Variants in ZNF407 observed in about 807,000 individuals in gnomAD.
ZNF407 encodes the protein zinc finger protein 407.
Under a neutral mutation model 131.2 loss-of-function variants are expected in ZNF407, and 17 were observed. The observed-to-expected ratio is 0.13, with a 90% confidence interval of 0.09 to 0.19. The LOEUF (loss-of-function observed/expected upper bound fraction) is 0.19, where lower values mean the gene tolerates loss of function less well. ZNF407 is among the 10% of genes least tolerant of loss of function. The pLI is 1.00. For synonymous variants in ZNF407, 1,156 were observed against 1,062.0 expected (o/e 1.09, Z -1.72); for missense variants, 2,681 against 2,830.6 (o/e 0.95, Z 1.20).
At chr18:75,058,808 G>T (rs897115927) in intron 8 of ZNF407, among the ~76,000 whole-genome samples, 10 of 152,206 alleles carry the variant, frequency 6.6e-5, no homozygotes, top group African/African-American at 2.4e-4. Flanking sequence ...AGGGTTTAAA[G>T]TTATAGAAGA....
At chr18:74,917,311 A>T (rs917144821) in intron 7 of ZNF407, among the ~76,000 whole-genome samples, 5 of 152,174 alleles carry the variant, frequency 3.3e-5, no homozygotes, top group Admixed American at 6.5e-5. Context: ...TAAAACATAA[A>T]ATTACAAATA....
At chr18:74,905,933 A>G (rs1971589552) in intron 7 of ZNF407, 1 of 152,228 alleles carries the variant, frequency 6.6e-6, no homozygotes, top group African/African-American at 2.4e-5. Flanking sequence ...TTTTATCTGA[A>G]TAAAAAAAGA....
At chr18:74,952,554 T>A (rs1347487605) in intron 8 of ZNF407, among the ~76,000 whole-genome samples, 1 of 152,048 alleles carries the variant, frequency 6.6e-6, no homozygotes, top group Non-Finnish European at 1.5e-5. Flanking sequence ...TAATGCCATG[T>A]TGGGAAAAGA....
Position 74,632,606 on chromosome 18 carries a change from T to C in ZNF407, c.1587T>C (p.Ala529=). The change falls in exon 2 of 9, where the codon GCT becomes GCC. Residue 529 remains alanine, a synonymous_variant. Transcript: ENST00000299687. ...CTTCTGGCTCTCAGACGTTGTGTGC[T>C]TGTACAGACTGTGGGCAAGTAGCTA... ...KPASGSQTLC[A]CTDCGQVATN... is the part of the protein sequence containing the mutation. 5 of 1,614,044 alleles carry C rather than the reference T, an allele frequency of 3.1e-6. No homozygotes were observed. Among genetic ancestry groups the C allele is most frequent in the East Asian group, 2.2e-5 (1 of 44,872 alleles).
rs1160404505 is a variant in ZNF407 at position 74,929,669 on chromosome 18, C to G, written c.5428+8977C>G. On this transcript the variant is annotated intron_variant, in intron 8 of 8. Transcript: ENST00000299687. ...GGAAACAAAGATCATGTTGCCCACT[C>G]GTGTTGCTACTACTGCAGAACAAGT... is the stretch of plus-strand genomic sequence containing the variant. Among the ~76,000 whole-genome samples, 27 of 152,312 alleles carry G rather than the reference C, an allele frequency of 1.8e-4. 1 individual carries two copies. The South Asian group carries it at 5.2e-3, about 29-fold the overall frequency.
At chr18:74,772,807 T>C (rs1969388937) in intron 3 of ZNF407, among the ~76,000 whole-genome samples, 1 of 152,166 alleles carries the variant, frequency 6.6e-6, no homozygotes, top group African/African-American at 2.4e-5. Context: ...GAGTGAATTG[T>C]ATGGGAGAGT....
At chr18:74,758,350 T>G (rs2144966205) in intron 3 of ZNF407, among the ~76,000 whole-genome samples, 1 of 152,274 alleles carries the variant, frequency 6.6e-6, no homozygotes, top group South Asian at 2.1e-4. Context: ...TCTTAATTCT[T>G]AACCTAGGGA....
chr18:74,961,125 A>G (rs2145291675), intron 8 of ZNF407, among the ~76,000 whole-genome samples: 1 of 152,318 alleles, frequency 6.6e-6, no homozygotes, highest in East Asian at 1.9e-4. Flanking sequence ...CTGCTTTCCC[A>G]TTTTACATCT....
intron 8 of ZNF407, among the ~76,000 whole-genome samples, chr18:74,983,584 A>G (rs760557073): frequency 3.3e-5 from 5 of 152,222 alleles, no homozygotes; most frequent in Non-Finnish European, 7.3e-5. Context: ...AGTCATGAAG[A>G]ATATGACTTC....
intron 3 of ZNF407, among the ~76,000 whole-genome samples, chr18:74,755,741 C>CTTTCTTTCT (rs1387402321): frequency 1.2e-4 from 13 of 111,362 alleles, no homozygotes; most frequent in Non-Finnish European, 1.6e-4. Flanking sequence ...TTCTTTCTTT[C>CTTTCTTTCT]TTTCTTTCTT....
intron 4 of ZNF407, among the ~76,000 whole-genome samples, chr18:74,808,869 A>C (rs1452166704): frequency 1.3e-5 from 2 of 152,314 alleles, no homozygotes; most frequent in Admixed American, 1.3e-4. Context: ...TCTTTGAAGA[A>C]AATAAAAATA....
At chr18:74,985,247 C>T (rs1972639398) in intron 8 of ZNF407, among the ~76,000 whole-genome samples, 1 of 152,112 alleles carries the variant, frequency 6.6e-6, no homozygotes, top group African/African-American at 2.4e-5. Context: ...CCTTAAAATA[C>T]CCTTTATACA....
chr18:74,636,279 T>C (rs996716877), intron 2 of ZNF407, among the ~76,000 whole-genome samples: 4 of 152,234 alleles, frequency 2.6e-5, no homozygotes, highest in African/African-American at 9.6e-5. Flanking sequence ...ATTTAGTCTC[T>C]GTGCTCTGTC....
At position 74,635,332 on chromosome 18, in the gene ZNF407, C is replaced by T; in HGVS notation, c.4313C>T (p.Pro1438Leu). 6.2e-7 allele frequency: 1 copy of T among 1,613,942 alleles called. No individual in the cohort carries two copies. The highest frequency in any genetic ancestry group is 8.5e-7 in the Non-Finnish European group (1 of 1,179,874). ...AATGTTCACATAGCCATGAAGCATC[C>T]TACAAAAGAGAAGCACTTCCATTGT... ...GLNVHIAMKH[P>L]TKEKHFHCLL... Residue 1438 changes from proline to leucine, a missense_variant, in exon 2 of 9, where the codon CCT becomes CTT. Pro to Leu is a moderately conservative substitution (Grantham distance 98). Around this residue, in one of 6 missense-constraint regions of ZNF407, gnomAD observed 1,789 missense variants for 1,748.7 expected, o/e 1.02. Transcript: ENST00000299687. This position sits in a 1 kb window ranked among gnomAD's most constrained non-coding sequence, Gnocchi z 4.7.
At chr18:74,909,033 C>G (rs1260780206) in intron 7 of ZNF407, among the ~76,000 whole-genome samples, 3 of 119,714 alleles carry the variant, frequency 2.5e-5, no homozygotes, top group African/African-American at 9.3e-5. Context: ...TAGAAACCCC[C>G]TTTCAACCAA....
At position 74,635,621 on chromosome 18, in the gene ZNF407, C is replaced by G. The variant is rs748036569; in HGVS notation, c.4602C>G (p.Asn1534Lys). The G allele has an allele frequency of 6.2e-7, 1 of 1,613,482 alleles. No homozygotes were observed. Among genetic ancestry groups the G allele is most frequent in the Non-Finnish European group, 8.5e-7 (1 of 1,179,724 alleles). The part of the protein sequence containing the change: ...TEQINREREE[N>K]QGNVCKYCGK... ...AAATCAACCGCGAGAGGGAGGAAAA[C>G]CAGGGAAACGTCTGCAAGTATTGTG... Residue 1534 changes from asparagine to lysine, a missense_variant, in exon 2 of 9, where the codon AAC (asparagine) becomes AAG (lysine). Physicochemically the swap from Asn to Lys is moderately conservative, Grantham distance 94. Coordinates refer to ENST00000299687, the MANE Select transcript of ZNF407 (RefSeq NM_017757.3). The surrounding 1 kb of genome is among the most constrained non-coding windows in gnomAD (Gnocchi z 4.7).
At chr18:74,767,954 T>C (rs563594585) in intron 3 of ZNF407, among the ~76,000 whole-genome samples, 2 of 151,918 alleles carry the variant, frequency 1.3e-5, no homozygotes, top group East Asian at 1.9e-4. Context: ...CGTGAGCTAC[T>C]GCGCCCTGCC....
intron 3 of ZNF407, among the ~76,000 whole-genome samples, chr18:74,718,982 G>T (rs1208993852): frequency 1.3e-5 from 2 of 152,074 alleles, no homozygotes; most frequent in African/African-American, 4.8e-5. Flanking sequence ...TGATTGCATA[G>T]AATGTCTTTT....
chr18:75,036,397 C>G (rs1209922159), intron 8 of ZNF407, among the ~76,000 whole-genome samples: 1 of 152,112 alleles, frequency 6.6e-6, no homozygotes, highest in African/African-American at 2.4e-5. Flanking sequence ...GGATGTCTCA[C>G]AGGAGAGAAT....
Sources: allele counts gnomAD v4.1 joint callset (sites outside exome capture counted in the v4.1 genomes callset), GRCh38; gene constraint gnomAD v4.1.1; regional missense constraint gnomAD v4.1.1; non-coding constraint Gnocchi (gnomAD v3.1); transcripts MANE v1.5; gene names NCBI Gene and HGNC (gene_info 2026-07-23, HGNC 2026-07-21).